Variants in KCNAB2 observed in about 807,000 individuals in gnomAD.
The protein encoded by KCNAB2 is voltage-gated potassium channel subunit beta-2.
A neutral mutation model predicts 63.6 loss-of-function variants in KCNAB2; 29 were observed. The ratio of observed to expected loss-of-function variants is 0.46; its 90% confidence interval spans 0.34 to 0.62. The LOEUF (loss-of-function observed/expected upper bound fraction) is 0.62. Among genes scored for constraint, KCNAB2 ranks in the 20% least tolerant of loss-of-function variants. KCNAB2 has a pLI of 0.01. For synonymous variants in KCNAB2, 222 were observed against 224.2 expected (o/e 0.99, Z 0.09); for missense variants, 359 against 563.9 (o/e 0.64, Z 3.68).
rs1352710464 is a variant in KCNAB2 at position 6,099,611 on chromosome 1, C to G, written c.*1037C>G. ...CCGCCCGCCAGCCCAGGCCGCTGCTCTGCACCGAGCTGGTGGGCTTGGGTT... is the reference window on the plus strand; with the variant it reads ...CCGCCCGCCAGCCCAGGCCGCTGCTGTGCACCGAGCTGGTGGGCTTGGGTT... On this transcript the variant is annotated 3_prime_UTR_variant, in exon 16 of 16. Transcript: ENST00000378083. The G allele has an allele frequency of 1.3e-6, 1 of 750,478 alleles. No homozygotes were observed. The highest frequency in any genetic ancestry group is 2.0e-6 in the Non-Finnish European group (1 of 495,334). The allele number at this position is 750,478 out of a possible 1,614,324, so 46.5% of individuals were successfully genotyped here.
At position 6,096,863 on chromosome 1, in the gene KCNAB2, A is replaced by C. The variant is rs913100051; in HGVS notation, c.1069+107A>C. The C allele has an allele frequency of 2.2e-6, 3 of 1,351,330 alleles. No homozygotes were observed. In the African/African-American group the frequency reaches 4.4e-5, roughly 20 times the overall value. The allele number at this position is 1,351,330 out of a possible 1,614,324, so 83.7% of individuals were successfully genotyped here. A position where few individuals can be genotyped will look rare whatever the true frequency, so the allele number is the denominator to read the frequency against. ...ATGGGGCCAGTGTCTCCGGGGAGAG[A>C]GGGAAGGGATCCCTGGACATCATCC... On this transcript the variant is annotated intron_variant, in intron 14 of 15. Coordinates refer to ENST00000378083, the MANE Select transcript of KCNAB2 (RefSeq NM_001199862.2). The surrounding 1 kb of genome is among the most constrained non-coding windows in gnomAD (Gnocchi z 5.9).
At chr1:6,076,693 T>C (rs1005825854) in intron 4 of KCNAB2, among the ~76,000 whole-genome samples, 2 of 152,172 alleles carry the variant, frequency 1.3e-5, no homozygotes, top group African/African-American at 4.8e-5. Flanking sequence ...AGTGCTCAGC[T>C]GTGGGGTAAC....
intron 2 of KCNAB2, among the ~76,000 whole-genome samples, chr1:6,061,640 C>T (rs1016513829): frequency 6.6e-6 from 1 of 152,190 alleles, no homozygotes; most frequent in Non-Finnish European, 1.5e-5. Context: ...CCCAGTGTTC[C>T]CTGGGGAACA....
chr1:6,076,919 C>G (rs1557488261), intron 4 of KCNAB2, among the ~76,000 whole-genome samples: 1 of 152,188 alleles, frequency 6.6e-6, no homozygotes, highest in Non-Finnish European at 1.5e-5. Flanking sequence ...GGGGCGGTGG[C>G]TCATGCCCGT....
Position 6,024,833 on chromosome 1 carries a change from A to G in KCNAB2, c.-52-15684A>G, listed in dbSNP as rs1041893268. ...AGGTATGTGTGAGGAAAGAACCCCA[A>G]TTTCGAGCTGGACACACCTAGGCTC... On this transcript the variant is annotated intron_variant, in intron 1 of 16. Coordinates refer to the KCNAB2 transcript ENST00000341524. This position sits in a 1 kb window ranked among gnomAD's most constrained non-coding sequence, Gnocchi z 5.4. Among the ~76,000 whole-genome samples the G allele has an allele frequency of 7.2e-5, 11 of 152,240 alleles. No homozygotes were observed. The highest frequency in any genetic ancestry group is 3.4e-3 in the Middle Eastern group (1 of 292).
chr1:6,062,480 G>T (rs1056954699), intron 2 of KCNAB2, among the ~76,000 whole-genome samples: 1 of 152,136 alleles, frequency 6.6e-6, no homozygotes, highest in Non-Finnish European at 1.5e-5. Context: ...GTCTTTCCTG[G>T]GTCCATTGAT....
At chr1:6,064,323 G>C (rs1008122794) in intron 2 of KCNAB2, among the ~76,000 whole-genome samples, 1 of 152,212 alleles carries the variant, frequency 6.6e-6, no homozygotes, top group Non-Finnish European at 1.5e-5. Flanking sequence ...TGTCCTAGAC[G>C]GTGAGCGCCA....
chr1:6,079,159 C>T (rs545819634), intron 4 of KCNAB2, among the ~76,000 whole-genome samples: 29 of 152,306 alleles, frequency 1.9e-4, no homozygotes, highest in African/African-American at 6.7e-4. Context: ...CGCAGGCTGC[C>T]CTCCCTGGCC....
At chr1:6,012,862 C>G (rs1284912087) in intron 1 of KCNAB2, among the ~76,000 whole-genome samples, 1 of 151,984 alleles carries the variant, frequency 6.6e-6, no homozygotes, top group Non-Finnish European at 1.5e-5. Flanking sequence ...TGCAGGTGCT[C>G]ACCCATGCAC....
At chr1:6,021,557 T>G (rs1446064456) in intron 1 of KCNAB2, among the ~76,000 whole-genome samples, 2 of 152,246 alleles carry the variant, frequency 1.3e-5, no homozygotes, top group African/African-American at 4.8e-5. Flanking sequence ...TGGTATTGAG[T>G]ATACAGTTCA....
At chr1:6,034,733 G>A (rs77094171) in exon 1 of KCNAB2, 2,882 of 152,494 alleles carry the variant, frequency 0.019, 29 homozygotes, top group Middle Eastern at 0.031. Context: ...CGCAGACTGC[G>A]AGCCCCGGCT....
At chr1:6,085,316 C>T (rs1301693505) in intron 6 of KCNAB2, 68 bp downstream of exon 6, 162 of 1,437,430 alleles carry the variant, frequency 1.1e-4, no homozygotes, top group Non-Finnish European at 1.5e-4. Flanking sequence ...GGGTCAGCCT[C>T]GTCGGCCTGT....
Position 6,073,537 on chromosome 1 carries a change from G to A in KCNAB2, c.263-196G>A, listed in dbSNP as rs569700684. Among the ~76,000 whole-genome samples, 1 of 152,300 alleles carries A rather than the reference G, an allele frequency of 6.6e-6. No homozygotes were observed. Among genetic ancestry groups the A allele is most frequent in the Admixed American group, 6.5e-5 (1 of 15,306 alleles). On this transcript the variant is annotated intron_variant, in intron 3 of 15. Coordinates refer to ENST00000378083, the MANE Select transcript of KCNAB2 (RefSeq NM_001199862.2). This position sits in a 1 kb window ranked among gnomAD's most constrained non-coding sequence, Gnocchi z 5.7. ...CGCTCTAGAGACTTTTGTCCCCTCA[G>A]TTTATTGACCCCAGGAGAGCAGGAC... is the stretch of plus-strand genomic sequence containing the variant.
intron 1 of KCNAB2, among the ~76,000 whole-genome samples, chr1:6,008,106 C>A (rs1400166411): frequency 6.6e-6 from 1 of 152,186 alleles, no homozygotes; most frequent in East Asian, 1.9e-4. Context: ...GGAGGCGAAC[C>A]TGGAGCTGGG....
intron 3 of KCNAB2, 124 bp downstream of exon 3, chr1:6,072,922 C>G (rs778187742): frequency 3.9e-5 from 32 of 824,158 alleles, no homozygotes; most frequent in Non-Finnish European, 5.9e-5. Flanking sequence ...CAGGGAGTAG[C>G]TGCACCCAGA....
Position 6,095,558 on chromosome 1 carries a change from G to A in KCNAB2, c.882G>A (p.Leu294=), listed in dbSNP as rs1665551146. The part of the protein sequence containing the change: ...IGVGAMTWSP[L]ACGIVSGKYD... ...TGGGCGCCATGACCTGGTCCCCTCT[G>A]GCCTGTGGCATTGTTTCTGGCAAGT... Residue 294 remains leucine, a synonymous_variant, in exon 13 of 16, where the codon CTG becomes CTA. Transcript: ENST00000378083. 1 of 1,613,220 alleles carries A rather than the reference G, an allele frequency of 6.2e-7. No individual in the cohort carries two copies. The highest frequency in any genetic ancestry group is 8.5e-7 in the Non-Finnish European group (1 of 1,179,962).
chr1:6,007,603 C>G (rs1363468978), intron 1 of KCNAB2: 2 of 152,518 alleles, frequency 1.3e-5, no homozygotes, highest in African/African-American at 2.4e-5. Context: ...TGCTGTGGCC[C>G]CATCCCCCTG....
At chr1:6,029,490 G>A (rs1264671322), upstream of KCNAB2, among the ~76,000 whole-genome samples, 1 of 152,140 alleles carries the variant, frequency 6.6e-6, no homozygotes, top group Non-Finnish European at 1.5e-5. Flanking sequence ...TGGCACAGAT[G>A]TCCAGGAAGC....
rs550616385 is a variant in KCNAB2, at chr1:6,086,874, G to A, written c.426-593G>A. Among the ~76,000 whole-genome samples, 149 of 150,148 alleles carry A rather than the reference G, an allele frequency of 9.9e-4. 1 individual carries two copies. The highest frequency in any genetic ancestry group is 3.1e-3 in the African/African-American group (126 of 40,652). The stretch of plus-strand genomic sequence containing the variant: ...CCCCCCAAGTTACCCCGACCAGGCC[G>A]TCCTTATGCCTCCCCTCCCTCCCTT... On this transcript the variant is annotated intron_variant, in intron 6 of 15. Transcript: ENST00000378083. The surrounding 1 kb of genome is among the most constrained non-coding windows in gnomAD (Gnocchi z 4.2).
Sources: gnomAD v4.1 joint callset for allele counts (sites outside exome capture counted in the v4.1 genomes callset) on GRCh38, gnomAD v4.1.1 for gene constraint, Gnocchi (gnomAD v3.1) non-coding constraint, MANE v1.5 for transcripts, NCBI Gene and HGNC (gene_info 2026-07-23, HGNC 2026-07-21) for gene names.